FN1: variants seen among roughly 807,000 people sequenced by gnomAD.
FN1 encodes fibronectin.
A neutral mutation model predicts 297.3 loss-of-function variants in FN1; 106 were observed. That is an observed-to-expected ratio of 0.36 (90% CI 0.30 to 0.42). FN1 has a LOEUF of 0.42. Ranked by LOEUF, FN1 falls within the 10% of genes least tolerant of loss-of-function variation. FN1 has a pLI of 1.00. For synonymous variants in FN1, 1,149 were observed against 1,152.6 expected (o/e 1.00, Z 0.06); for missense variants, 2,690 against 3,124.9 (o/e 0.86, Z 3.32).
chr2:215,365,641 G>A lies in FN1; in HGVS notation c.7019-11C>T. Reference sequence around the variant, plus strand: ...TGTCATGGCACCATCCTGTAGGGGTGGGGAAAGTCAGGACCAAAAAGTTAT... The same window carrying A: ...TGTCATGGCACCATCCTGTAGGGGTAGGGAAAGTCAGGACCAAAAAGTTAT... On this transcript the variant is annotated splice_polypyrimidine_tract_variant and intron_variant, in intron 42 of 45. Coordinates refer to ENST00000354785, the MANE Select transcript of FN1 (RefSeq NM_212482.4). The A allele has an allele frequency of 1.1e-5, 17 of 1,613,718 alleles. No homozygotes were observed. Among genetic ancestry groups the A allele is most frequent in the Non-Finnish European group, 1.4e-5 (17 of 1,179,800 alleles).
chr2:215,389,497 A>G (rs2059445096), intron 26 of FN1, among the ~76,000 whole-genome samples: 1 of 152,020 alleles, frequency 6.6e-6, no homozygotes, highest in Admixed American at 6.6e-5. Context: ...TGTAAGCATC[A>G]TAGAGTGTAC....
intron 40 of FN1, 82 bp from the exon 41 acceptor site, chr2:215,370,514 C>A: frequency 2.0e-6 from 2 of 1,025,200 alleles, no homozygotes; most frequent in Non-Finnish European, 2.9e-6. Flanking sequence ...CAATAACCCT[C>A]ACTGTTTAAA....
intron 8 of FN1, among the ~76,000 whole-genome samples, chr2:215,423,757 C>CA (rs1553651897): frequency 1.3e-5 from 2 of 152,034 alleles, no homozygotes; most frequent in East Asian, 1.9e-4. Context: ...GCACCCCCCC[C>CA]ACAAAAGATT....
intron 31 of FN1, among the ~76,000 whole-genome samples, chr2:215,383,001 CTT>C (rs548983543): frequency 8.5e-5 from 12 of 141,984 alleles, no homozygotes; most frequent in South Asian, 2.3e-4. Context: ...GCAGATTACT[CTT>C]TTTTTTTTTT....
chr2:215,407,970 A>C, intron 17 of FN1, 138 bp downstream of exon 17: 1 of 654,166 alleles, frequency 1.5e-6, no homozygotes. Context: ...ACACACACAC[A>C]CACACACACA....
At chr2:215,381,751 C>T (rs1349282951) in intron 32 of FN1, 12 of 230,516 alleles carry the variant, frequency 5.2e-5, no homozygotes, top group African/African-American at 2.1e-4. Flanking sequence ...GGATTACAGG[C>T]GTGAGCCCAG....
chr2:215,371,857 ACTTATTC>A, intron 40 of FN1, 45 bp downstream of exon 40: 1 of 1,508,266 alleles, frequency 6.6e-7, no homozygotes. Context: ...CAGTTACCTA[ACTTATTC>A]CTTTCTGTGC....
chr2:215,379,342 G>T, intron 33 of FN1, 25 bp from the exon 34 acceptor site: 1 of 1,607,074 alleles, frequency 6.2e-7, no homozygotes, highest in Non-Finnish European at 8.5e-7. Flanking sequence ...ATTGGTTAGA[G>T]GTTATCTTAT....
In FN1 at chr2:215,424,833, A is replaced by G. The variant is rs191020032; in HGVS notation, c.1036+261T>C. On this transcript the variant is annotated intron_variant, in intron 7 of 45. Transcript: ENST00000354785. ...GAATATAAAACATTGATGATTATTC[A>G]GAAAGTAGCTCTCTTGTAACAACAC... 6.2e-4 allele frequency among the ~76,000 whole-genome samples: 94 copies of G among 152,362 alleles called. 2 individuals carry two copies. The highest frequency in any genetic ancestry group is 6.1e-3 in the Admixed American group (93 of 15,304).
intron 6 of FN1, among the ~76,000 whole-genome samples, chr2:215,426,350 G>A (rs897030536): frequency 9.9e-5 from 15 of 151,848 alleles, no homozygotes; most frequent in South Asian, 8.3e-4. Context: ...GGGTTTCACC[G>A]TGTTAGCCAG....
intron 17 of FN1, 129 bp downstream of exon 17, chr2:215,407,974 ACACAC>A: frequency 2.9e-6 from 2 of 684,824 alleles, no homozygotes; most frequent in East Asian, 2.9e-5. Context: ...ACACACACAC[ACACAC>A]AAACCCCTCT....
intron 12 of FN1, among the ~76,000 whole-genome samples, chr2:215,416,507 C>T (rs1455166401): frequency 2.0e-5 from 3 of 152,106 alleles, no homozygotes; most frequent in Non-Finnish European, 4.4e-5. Context: ...TAACGTACTT[C>T]CATGTAAATC....
chr2:215,374,779 G>T (rs2056952954), intron 38 of FN1, among the ~76,000 whole-genome samples: 1 of 152,144 alleles, frequency 6.6e-6, no homozygotes, highest in Non-Finnish European at 1.5e-5. Context: ...GGGTGGTTGG[G>T]ACTGCTCTGC....
At chr2:215,416,412 C>G (rs1029852489) in intron 12 of FN1, among the ~76,000 whole-genome samples, 2 of 152,144 alleles carry the variant, frequency 1.3e-5, no homozygotes, top group Non-Finnish European at 1.5e-5. Context: ...CTTTGAATTA[C>G]CCCTTCTGTT....
At position 215,435,805 on chromosome 2, in the gene FN1, T is replaced by C; in HGVS notation, c.-3A>G. On this transcript the variant is annotated 5_prime_UTR_variant, in exon 1 of 46. Transcript: ENST00000354785. ...CCGGGCCCCGGACCCCTAAGCATGT[T>C]GAGACGGTGGGGGAGAGACGCCCGC... is the stretch of plus-strand genomic sequence containing the variant. 1 of 1,550,572 alleles carries C rather than the reference T, an allele frequency of 6.4e-7. No homozygotes were observed. Among genetic ancestry groups the C allele is most frequent in the Non-Finnish European group, 8.7e-7 (1 of 1,151,536 alleles).
intron 26 of FN1, 110 bp downstream of exon 26, chr2:215,391,522 G>C: frequency 1.2e-6 from 1 of 867,760 alleles, no homozygotes; most frequent in South Asian, 1.3e-5. Flanking sequence ...AGTTTAGTTT[G>C]TAGCTTGGTT....
intron 6 of FN1, among the ~76,000 whole-genome samples, chr2:215,426,242 G>A (rs191295463): frequency 2.7e-5 from 4 of 146,168 alleles, no homozygotes; most frequent in East Asian, 2.1e-4. Context: ...TCTGCCTCCC[G>A]GGTTCACGCC....
At position 215,388,316 on chromosome 2, in the gene FN1, G is replaced by C. The variant is rs1250215; in HGVS notation, c.4253-15C>G. 953,197 of 1,591,364 alleles carry C rather than the reference G, an allele frequency of 0.6. 295,208 individuals are homozygous for C. The highest frequency in any genetic ancestry group is 0.64 in the Non-Finnish European group (747,108 of 1,159,892). The stretch of plus-strand genomic sequence containing the variant: ...AGGCAGGAGATCTGTAGGGGCAAAT[G>C]GGGCTTATTTTAAAACTCTGCTCAA... On this transcript the variant is annotated splice_polypyrimidine_tract_variant and intron_variant, in intron 26 of 45. Transcript: ENST00000354785.
At chr2:215,374,278 A>G (rs1378614197) in intron 38 of FN1, among the ~76,000 whole-genome samples, 1 of 152,120 alleles carries the variant, frequency 6.6e-6, no homozygotes, top group African/African-American at 2.4e-5. Flanking sequence ...CAATTCTAAA[A>G]AGCCAGTGTC....
Sources: allele counts gnomAD v4.1 joint callset (sites outside exome capture counted in the v4.1 genomes callset), GRCh38; gene constraint gnomAD v4.1.1; transcripts MANE v1.5; gene names NCBI Gene and HGNC (gene_info 2026-07-23, HGNC 2026-07-21).